The following PARD3 variants were observed in gnomAD, a reference collection of about 807,000 sequenced individuals.
PARD3 encodes the protein partitioning defective 3 homolog.
In PARD3, 75 loss-of-function variants were observed where a neutral mutation model predicts 155.4. That is an observed-to-expected ratio of 0.48 (90% confidence interval 0.40 to 0.58). The LOEUF is 0.58. Among genes scored for constraint, PARD3 ranks in the 20% least tolerant of loss-of-function variants. PARD3 has a pLI of 0.00. For synonymous variants in PARD3, 576 were observed against 610.5 expected, an observed-to-expected ratio of 0.94 and a Z score of 0.83; for missense variants, 1,642 against 1,721.7, an observed-to-expected ratio of 0.95 and a Z score of 0.82.
intron 22 of PARD3, among the ~76,000 whole-genome samples, chr10:34,252,504 G>C (rs1472810840): frequency 6.6e-6 from 1 of 152,116 alleles, no homozygotes; most frequent in Non-Finnish European, 1.5e-5. Flanking sequence ...AGGAGAGACA[G>C]TTAATGGAAA....
rs936743251 is a variant in PARD3 at position 34,111,214 on chromosome 10, C to T, written c.4017G>A (p.Leu1339=). The T allele has an allele frequency of 4.4e-6, 7 of 1,603,130 alleles. No homozygotes were observed. Among genetic ancestry groups the T allele is most frequent in the Non-Finnish European group, 6.0e-6 (7 of 1,172,340 alleles). ...CTTTCTCAGGAGTCTGAAGTCTGTT[C>T]AGCCTCGCAACCTGAGAAGGGGAGG... ...VPPSPSQVAR[L]NRLQTPEKGR... is the part of the protein sequence containing the mutation. The change falls in exon 25 of 25, where the codon CTG becomes CTA. Residue 1339 remains leucine (L), a synonymous_variant. Transcript: ENST00000374788.
At chr10:34,513,821 T>C (rs772266354) in intron 3 of PARD3, among the ~76,000 whole-genome samples, 88 of 152,330 alleles carry the variant, frequency 5.8e-4, no homozygotes, top group Middle Eastern at 6.8e-3. Context: ...TGTCGGATTG[T>C]CCTGTGCTTG....
At chr10:34,759,927 T>C (rs10508813) in intron 1 of PARD3, among the ~76,000 whole-genome samples, 38,475 of 152,204 alleles carry the variant, frequency 0.25, 5,356 homozygotes, top group East Asian at 0.54. Flanking sequence ...AGAACACTTA[T>C]GAATCTAAAA....
At chr10:34,381,648 A>G (rs1042481484) in intron 9 of PARD3, among the ~76,000 whole-genome samples, 2 of 152,094 alleles carry the variant, frequency 1.3e-5, no homozygotes, top group African/African-American at 4.8e-5. Flanking sequence ...AAAGAGAAGC[A>G]GGCCTGGACA....
intron 5 of PARD3, among the ~76,000 whole-genome samples, chr10:34,417,595 C>A (rs559307343): frequency 6.6e-6 from 1 of 151,886 alleles, no homozygotes; most frequent in East Asian, 1.9e-4. Context: ...AAAATAATTT[C>A]GATTGTTTGG....
chr10:34,228,382 G>A (rs925211447), intron 22 of PARD3, among the ~76,000 whole-genome samples: 9 of 151,880 alleles, frequency 5.9e-5, no homozygotes, highest in African/African-American at 2.2e-4. Context: ...ACTTCCACGT[G>A]TACCCCCGAA....
intron 22 of PARD3, among the ~76,000 whole-genome samples, chr10:34,160,929 C>A (rs1356317372): frequency 6.6e-6 from 1 of 152,038 alleles, no homozygotes; most frequent in African/African-American, 2.4e-5. Context: ...AGTTTTAGGC[C>A]AGTGCCAACT....
rs866664698 is a variant in PARD3, at chr10:34,776,837, G to T, written c.120+38039C>A. Among the ~76,000 whole-genome samples, 26 of 14,008 alleles carry T rather than the reference G, an allele frequency of 1.9e-3. 1 individual carries two copies. The highest frequency in any genetic ancestry group is 3.4e-3 in the African/African-American group (19 of 5,602). 9.2% of individuals were successfully genotyped at this position (14,008 alleles called of 152,430 possible). A position where few individuals can be genotyped will look rare whatever the true frequency, so the allele number is the denominator to read the frequency against. ...GTATTTTCAGTCGTGTTTTTTTGTG[G>T]GGGGGGGGGGCGGGTGGGGGATGGA... On this transcript the variant is annotated intron_variant, in intron 1 of 24. Transcript: ENST00000374788.
intron 22 of PARD3, among the ~76,000 whole-genome samples, chr10:34,131,900 A>G (rs1947636363): frequency 6.6e-6 from 1 of 152,012 alleles, no homozygotes; most frequent in Non-Finnish European, 1.5e-5. Context: ...TTTGGAAAGG[A>G]CATTGCATTA....
intron 9 of PARD3, among the ~76,000 whole-genome samples, chr10:34,382,005 A>G (rs1326474471): frequency 6.6e-6 from 1 of 151,984 alleles, no homozygotes; most frequent in African/African-American, 2.4e-5. Context: ...GCAATAATAC[A>G]AGAAAACAAA....
chr10:34,239,567 C>A (rs886587337), intron 22 of PARD3, among the ~76,000 whole-genome samples: 1 of 151,968 alleles, frequency 6.6e-6, no homozygotes. Context: ...TTTGGGAGGC[C>A]GAGGCGGGTG....
intron 2 of PARD3, among the ~76,000 whole-genome samples, chr10:34,646,242 G>A (rs578099052): frequency 1.1e-3 from 163 of 152,074 alleles, no homozygotes; most frequent in African/African-American, 2.9e-3. Context: ...TTTTGTAATC[G>A]TGATTAAGTC....
chr10:34,380,561 CT>C (rs904879347), intron 9 of PARD3, among the ~76,000 whole-genome samples: 5 of 151,796 alleles, frequency 3.3e-5, no homozygotes, highest in Non-Finnish European at 7.4e-5. Context: ...CATTATTTTC[CT>C]TTTTTTGGAG....
intron 23 of PARD3, among the ~76,000 whole-genome samples, chr10:34,128,636 G>A (rs183067173): frequency 1.3e-5 from 2 of 152,244 alleles, no homozygotes; most frequent in East Asian, 3.9e-4. Flanking sequence ...AAGGGCCAAC[G>A]GTAGTACTGC....
intron 22 of PARD3, among the ~76,000 whole-genome samples, chr10:34,133,739 T>G (rs556963080): frequency 1.3e-5 from 2 of 152,318 alleles, no homozygotes; most frequent in South Asian, 4.2e-4. Context: ...TTCCACATAT[T>G]TTGAAGAATC....
chr10:34,646,622 T>G (rs2092845473), intron 2 of PARD3, among the ~76,000 whole-genome samples: 1 of 152,236 alleles, frequency 6.6e-6, no homozygotes, highest in African/African-American at 2.4e-5. Context: ...TCTTGGTCAT[T>G]ACTTAGATGG....
intron 20 of PARD3, among the ~76,000 whole-genome samples, chr10:34,295,147 C>T (rs977249255): frequency 1.3e-5 from 2 of 152,162 alleles, no homozygotes; most frequent in Non-Finnish European, 2.9e-5. Flanking sequence ...GCTGTGGTTT[C>T]TCTCTACCAG....
intron 1 of PARD3, among the ~76,000 whole-genome samples, chr10:34,698,587 G>C (rs1010953421): frequency 6.6e-6 from 1 of 152,178 alleles, no homozygotes; most frequent in African/African-American, 2.4e-5. Flanking sequence ...TGTCATCCAA[G>C]CTGAAGTACA....
chr10:34,456,090 C>A (rs983326912), intron 4 of PARD3, among the ~76,000 whole-genome samples: 6 of 152,058 alleles, frequency 3.9e-5, no homozygotes, highest in African/African-American at 1.4e-4. Flanking sequence ...AGAACTATGG[C>A]AAGACAAAGA....
Sources: gnomAD v4.1 joint callset for allele counts (sites outside exome capture counted in the v4.1 genomes callset) on GRCh38, gnomAD v4.1.1 for gene constraint, MANE v1.5 for transcripts, NCBI Gene and HGNC (gene_info 2026-07-23, HGNC 2026-07-21) for gene names.